ENOSF1: variants seen among roughly 807,000 people sequenced by gnomAD.
ENOSF1 encodes mitochondrial enolase superfamily member 1.
Under a neutral mutation model 68.2 loss-of-function variants are expected in ENOSF1, and 73 were observed. The ratio of observed to expected loss-of-function variants is 1.07; its 90% CI spans 0.89 to 1.30. ENOSF1 has a LOEUF of 1.30. Among genes scored for constraint, ENOSF1 ranks in the 50% most tolerant of loss-of-function variants. The probability of loss-of-function intolerance (pLI) is 0.00; values close to 1 mark genes in which losing one functional copy is unlikely to be tolerated. For missense variants in ENOSF1, 589 were observed against 554.5 expected (o/e 1.06, Z -0.62); for synonymous variants, 223 against 210.4 (o/e 1.06, Z -0.52).
intron 7 of ENOSF1, 96 bp from the exon 8 acceptor site, chr18:690,727 C>T: frequency 1.9e-6 from 3 of 1,553,320 alleles, no homozygotes; most frequent in Non-Finnish European, 2.6e-6. Context: ...GAGAGTCCAG[C>T]TGTTCTCCTG....
chr18:668,980 G>T, downstream of ENOSF1: 1 of 1,064,006 alleles, frequency 9.4e-7, no homozygotes, highest in Non-Finnish European at 1.4e-6. Context: ...GGGGACCCTG[G>T]GTAAGAGACT....
chr18:676,738 C>T (rs1404284244), intron 14 of ENOSF1, among the ~76,000 whole-genome samples: 1 of 152,222 alleles, frequency 6.6e-6, no homozygotes, highest in African/African-American at 2.4e-5. Flanking sequence ...AAAACGGTTA[C>T]CATTATTACT....
intron 9 of ENOSF1, chr18:688,274 A>C: frequency 2.9e-6 from 1 of 340,608 alleles, no homozygotes; most frequent in South Asian, 4.8e-5. Flanking sequence ...TTCATGCAGA[A>C]ACTGAATCAA....
chr18:705,901 C>T (rs1035122165), intron 2 of ENOSF1, among the ~76,000 whole-genome samples: 4 of 151,870 alleles, frequency 2.6e-5, no homozygotes, highest in Admixed American at 1.3e-4. Context: ...CCTAGCTTCT[C>T]GGGAGGCTGA....
intron 11 of ENOSF1, among the ~76,000 whole-genome samples, chr18:682,738 C>T (rs543243164): frequency 6.8e-4 from 90 of 133,208 alleles, no homozygotes; most frequent in Non-Finnish European, 1.2e-3. Flanking sequence ...AAAAAAAAAG[C>T]CAGGCATGGT....
chr18:686,519 A>G, intron 9 of ENOSF1: 1 of 155,158 alleles, frequency 6.4e-6, no homozygotes, highest in Non-Finnish European at 1.4e-5. Context: ...TGATGAGATC[A>G]GGTAACTAGG....
In ENOSF1 at chr18:688,595, G is replaced by A. The variant is rs563225083; in HGVS notation, c.632C>T (p.Ala211Val). 39 of 1,614,060 alleles carry A rather than the reference G, an allele frequency of 2.4e-5. No homozygotes were observed. Among genetic ancestry groups the A allele is most frequent in the African/African-American group, 1.9e-4 (14 of 75,034 alleles). The stretch of plus-strand genomic sequence containing the variant: ...TCACCTGGTCCAGCCATCCTTCAGC[G>A]CCTGGGCACAGAGCTGTGGGAAAGG... ...DDTLKQLCAQALKDGWTRFKV... is the reference protein window; with the variant it reads ...DDTLKQLCAQVLKDGWTRFKV... Residue 211 changes from alanine (A) to valine (V), a missense_variant, in exon 9 of 16, where the codon GCG becomes GTG. Coordinates refer to ENST00000647584, the MANE Select transcript of ENOSF1 (RefSeq NM_017512.7).
intron 10 of ENOSF1, among the ~76,000 whole-genome samples, chr18:684,024 C>T (rs1469130835): frequency 1.8e-4 from 27 of 150,680 alleles, no homozygotes; most frequent in South Asian, 8.4e-4. Context: ...GACAGAGTCT[C>T]GCTCTGTCAC....
In ENOSF1 at chr18:709,684, T is replaced by C. The variant is rs114706780; in HGVS notation, c.84+2820A>G. ...TACTCCAGAGGCTGAGGTACGAGAA[T>C]CATTTGCATATGGGAGGCAGAGGTT... On this transcript the variant is annotated intron_variant, in intron 1 of 15. Coordinates refer to ENST00000647584, the MANE Select transcript of ENOSF1 (RefSeq NM_017512.7). Among the ~76,000 whole-genome samples the C allele has an allele frequency of 4.9e-3, 738 of 151,930 alleles. 6 individuals are homozygous for C. Among genetic ancestry groups the C allele is most frequent in the African/African-American group, 0.017 (714 of 41,438 alleles).
chr18:693,782 C>T lies in ENOSF1; in HGVS notation c.423+100G>A, dbSNP rs1042581023. 5.7e-6 allele frequency: 9 copies of T among 1,570,032 alleles called. No individual in the cohort carries two copies. The South Asian group carries it at 1.1e-4, about 19-fold the overall frequency. ...GCTTTATCATCGCTATAGTGATCAA[C>T]AGATAGTCCTGAATATATTTACTGA... On this transcript the variant is annotated intron_variant, in intron 5 of 15. Coordinates refer to ENST00000647584, the MANE Select transcript of ENOSF1 (RefSeq NM_017512.7).
chr18:711,415 C>T (rs527344614), intron 1 of ENOSF1, among the ~76,000 whole-genome samples: 39 of 152,250 alleles, frequency 2.6e-4, no homozygotes, highest in Non-Finnish European at 5.0e-4. Context: ...TGGTCCCCTC[C>T]GTGACCCCAT....
chr18:697,248 G>C lies in ENOSF1; in HGVS notation c.301C>G (p.Leu101Val), dbSNP rs371394055. The change falls in exon 3 of 16, where the codon CTC becomes GTC. Residue 101 changes from leucine (L) to valine (V), a missense_variant. By Grantham distance (32) the Leu-to-Val change is conservative. Transcript: ENST00000647584. ...FYRQLTSDGQ[L>V]RWIGPEKGVV... ...CAAAATAGGTCCCTTACCCATCTGAGCTGCCCATCACTTGTGAGCTGCCTA... is the reference window on the plus strand; with the variant it reads ...CAAAATAGGTCCCTTACCCATCTGACCTGCCCATCACTTGTGAGCTGCCTA... 16 of 1,613,018 alleles carry C rather than the reference G, an allele frequency of 9.9e-6. No individual in the cohort carries two copies. The African/African-American group carries it at 1.9e-4, about 19-fold the overall frequency.
At chr18:701,731 T>C (rs1407201573) in intron 2 of ENOSF1, among the ~76,000 whole-genome samples, 1 of 144,090 alleles carries the variant, frequency 6.9e-6, no homozygotes, top group Non-Finnish European at 1.5e-5. Context: ...TACTCCAGCC[T>C]GGGTGACAGA....
In ENOSF1 at chr18:677,798, T is replaced by C. The variant is rs1425863632; in HGVS notation, c.993A>G (p.Arg331=). The change falls in exon 13 of 16, where the codon AGA becomes AGG. Residue 331 remains arginine (R), a synonymous_variant. Coordinates refer to ENST00000647584, the MANE Select transcript of ENOSF1 (RefSeq NM_017512.7). ...ALQFLQIDSC[R]LGSVNENLSV... ...AGAGGTTCTCATTGACACTGCCCAG[T>C]CTGCAACTGTCAATCTGGAGGAACT... 1 of 1,614,188 alleles carries C rather than the reference T, an allele frequency of 6.2e-7. No individual in the cohort carries two copies. Among genetic ancestry groups the C allele is most frequent in the Non-Finnish European group, 8.5e-7 (1 of 1,180,024 alleles).
chr18:691,161 CTG>C lies in ENOSF1; in HGVS notation c.496+41_496+42del, dbSNP rs745702504. ...TTTTAGGAAACAAAGCATGCCACTA[CTG>C]TGTGTGCACGTCGTGTATCCCAGAA... On this transcript the variant is annotated intron_variant, in intron 6 of 15. Coordinates refer to ENST00000647584, the MANE Select transcript of ENOSF1 (RefSeq NM_017512.7). 1.2e-5 allele frequency: 20 copies of C among 1,613,174 alleles called. No individual in the cohort carries two copies. The East Asian group carries it at 2.0e-4, about 16-fold the overall frequency.
intron 14 of ENOSF1, among the ~76,000 whole-genome samples, chr18:675,882 A>G (rs2075461363): frequency 6.6e-6 from 1 of 152,058 alleles, no homozygotes; most frequent in African/African-American, 2.4e-5. Flanking sequence ...TCTAGGAAGC[A>G]TTAGCACTGT....
chr18:678,588 C>T, intron 12 of ENOSF1, 108 bp downstream of exon 12: 1 of 1,105,096 alleles, frequency 9.0e-7, no homozygotes. Context: ...TTTCCCAACT[C>T]AAAGTACAGC....
intron 2 of ENOSF1, among the ~76,000 whole-genome samples, chr18:702,351 T>C (rs552462004): frequency 6.7e-6 from 1 of 149,186 alleles, no homozygotes; most frequent in Admixed American, 6.7e-5. Flanking sequence ...AGTGGGTGGA[T>C]CACCTGAGGT....
Position 673,205 on chromosome 18 carries a change from C to T in ENOSF1, c.*1100G>A. 2.3e-6 allele frequency: 1 copy of T among 434,532 alleles called. No individual in the cohort carries two copies. Among genetic ancestry groups the T allele is most frequent in the Non-Finnish European group, 4.0e-6 (1 of 248,924 alleles). The allele number at this position is 434,532 out of a possible 1,614,324, so 26.9% of individuals were successfully genotyped here. A position where few individuals can be genotyped will look rare whatever the true frequency, so the allele number is the denominator to read the frequency against. On this transcript the variant is annotated 3_prime_UTR_variant, in exon 16 of 16. Coordinates refer to ENST00000647584, the MANE Select transcript of ENOSF1 (RefSeq NM_017512.7). ...TAATAAAAGGCTTTGAGTTAACTCACTGAGGGTATCTGACAATGCTGAGGT... is the reference window on the plus strand; with the variant it reads ...TAATAAAAGGCTTTGAGTTAACTCATTGAGGGTATCTGACAATGCTGAGGT...
Sources: gnomAD v4.1 joint callset for allele counts (sites outside exome capture counted in the v4.1 genomes callset) on GRCh38, gnomAD v4.1.1 for gene constraint, MANE v1.5 for transcripts, NCBI Gene and HGNC (gene_info 2026-07-23, HGNC 2026-07-21) for gene names.